Variants in SUMF1 observed in about 807,000 individuals in gnomAD.
The protein encoded by SUMF1 is formylglycine-generating enzyme.
Under a neutral mutation model 47.6 loss-of-function variants are expected in SUMF1, and 48 were observed. The observed-to-expected ratio is 1.01, with a 90% CI of 0.80 to 1.28. The LOEUF is 1.28. Among genes scored for constraint, SUMF1 ranks in the 50% most tolerant of loss-of-function variants. The pLI, the probability that SUMF1 is intolerant of heterozygous loss-of-function variation, is 0.00. For synonymous variants in SUMF1, 230 were observed against 192.1 expected, an observed-to-expected ratio of 1.20 and a Z score of -1.63; for missense variants, 571 against 485.4, an observed-to-expected ratio of 1.18 and a Z score of -1.66.
chr3:4,164,651 G>T (rs992714811), intron 8 of SUMF1, among the ~76,000 whole-genome samples: 1 of 152,126 alleles, frequency 6.6e-6, no homozygotes, highest in Non-Finnish European at 1.5e-5. Context: ...CATGACTAAG[G>T]CTGCAGCCTT....
intron 8 of SUMF1, among the ~76,000 whole-genome samples, chr3:4,258,920 A>C (rs1697019894): frequency 7.1e-6 from 1 of 141,398 alleles, no homozygotes; most frequent in African/African-American, 2.6e-5. Flanking sequence ...ACACCATGGA[A>C]TACTATGCAG....
At chr3:4,093,312 C>A (rs914974143) in intron 8 of SUMF1, among the ~76,000 whole-genome samples, 3 of 152,140 alleles carry the variant, frequency 2.0e-5, no homozygotes, top group African/African-American at 7.2e-5. Flanking sequence ...ATGTCAATCA[C>A]TCTTAGGCCC....
At chr3:4,035,993 C>G (rs1694786398) in intron 9 of SUMF1, among the ~76,000 whole-genome samples, 1 of 152,002 alleles carries the variant, frequency 6.6e-6, no homozygotes, top group African/African-American at 2.4e-5. Flanking sequence ...AGGAAAATGA[C>G]TTTGTCTGCT....
downstream of SUMF1, among the ~76,000 whole-genome samples, chr3:4,358,152 GC>G (rs1173822199): frequency 6.6e-6 from 1 of 151,770 alleles, no homozygotes; most frequent in African/African-American, 2.4e-5. Flanking sequence ...ATTTCCCCCA[GC>G]CCCTGCCTTC....
intron 9 of SUMF1, among the ~76,000 whole-genome samples, chr3:4,067,077 A>C (rs1695396160): frequency 6.6e-6 from 1 of 152,128 alleles, no homozygotes; most frequent in Non-Finnish European, 1.5e-5. Context: ...CCCCTTTTCT[A>C]TACAATGGTC....
rs57021136 is a variant in SUMF1 at position 4,287,761 on chromosome 3, G to A, written c.1014+88569C>T. ...GCCTCAGTGCAGTTTAGGAACAACA[G>A]ATTCAAAGAATATAGTGCTTTTCCT... On this transcript the variant is annotated intron_variant and NMD_transcript_variant, in intron 8 of 12. Transcript: ENST00000448413. Among the ~76,000 whole-genome samples, 454 of 152,308 alleles carry A rather than the reference G, an allele frequency of 3.0e-3. 3 individuals carry two copies. The highest frequency in any genetic ancestry group is 0.01 in the African/African-American group (436 of 41,568).
Position 4,241,655 on chromosome 3 carries a change from T to C in SUMF1, c.1014+134675A>G, listed in dbSNP as rs904789871. Among the ~76,000 whole-genome samples the C allele has an allele frequency of 2.6e-5, 4 of 152,140 alleles. No individual in the cohort carries two copies. The South Asian group carries it at 8.3e-4, about 31-fold the overall frequency. On this transcript the variant is annotated intron_variant and NMD_transcript_variant, in intron 8 of 12. Transcript: ENST00000448413. ...TTTGGCCTCCATAGCCACTTAAAAA[T>C]GAAGCAGCAGCGTTGTCTGGGGTAA...
chr3:4,130,211 G>A (rs531938500), intron 8 of SUMF1, among the ~76,000 whole-genome samples: 8 of 152,208 alleles, frequency 5.3e-5, no homozygotes, highest in East Asian at 1.9e-4. Flanking sequence ...ACCAACTGGC[G>A]ACTCTGATTG....
chr3:4,422,637 A>C (rs1025722357), intron 3 of SUMF1, among the ~76,000 whole-genome samples: 48 of 152,070 alleles, frequency 3.2e-4, no homozygotes, highest in Admixed American at 7.2e-4. Flanking sequence ...ATATGTACGC[A>C]TTTCTGCCGA....
In SUMF1 at chr3:4,361,276, C is replaced by T. The variant is rs1274761509; in HGVS notation, c.*868G>A. Reference sequence around the variant, plus strand: ...CTGAATATAGCTCATTCAAGGTCCTCGTTCCTTTTTCCCTATATCTAGAAT... The same window carrying T: ...CTGAATATAGCTCATTCAAGGTCCTTGTTCCTTTTTCCCTATATCTAGAAT... On this transcript the variant is annotated 3_prime_UTR_variant, in exon 9 of 9. Transcript: ENST00000272902. 1 of 152,612 alleles carries T rather than the reference C, an allele frequency of 6.6e-6. No individual in the cohort carries two copies. Among genetic ancestry groups the T allele is most frequent in the Non-Finnish European group, 1.5e-5 (1 of 68,036 alleles). 9.5% of individuals were successfully genotyped at this position (152,612 alleles called of 1,614,324 possible).
At chr3:4,323,960 A>G (rs1216470728) in intron 8 of SUMF1, among the ~76,000 whole-genome samples, 5 of 152,192 alleles carry the variant, frequency 3.3e-5, no homozygotes, top group Non-Finnish European at 7.4e-5. Context: ...TAGAATTCCA[A>G]TTCCTATTAC....
At chr3:4,091,331 C>T (rs190774654) in intron 8 of SUMF1, among the ~76,000 whole-genome samples, 18 of 152,146 alleles carry the variant, frequency 1.2e-4, no homozygotes, top group African/African-American at 4.1e-4. Flanking sequence ...GGGAATCTGA[C>T]GCCTTGAACA....
At chr3:4,305,494 T>G (rs564561924) in intron 8 of SUMF1, among the ~76,000 whole-genome samples, 2 of 152,192 alleles carry the variant, frequency 1.3e-5, no homozygotes, top group Non-Finnish European at 1.5e-5. Flanking sequence ...TCGGTCTTAG[T>G]TGATTATCTC....
chr3:4,092,567 T>C (rs188045967), intron 8 of SUMF1, among the ~76,000 whole-genome samples: 35 of 152,250 alleles, frequency 2.3e-4, no homozygotes, highest in African/African-American at 7.5e-4. Flanking sequence ...AACCTTCAAA[T>C]TGGTTAACCA....
At chr3:4,170,594 A>G (rs1014688649) in intron 8 of SUMF1, among the ~76,000 whole-genome samples, 2 of 152,212 alleles carry the variant, frequency 1.3e-5, no homozygotes, top group Non-Finnish European at 2.9e-5. Context: ...CTAGTAAGCA[A>G]CAGTAATCAA....
intron 8 of SUMF1, among the ~76,000 whole-genome samples, chr3:4,109,729 C>T (rs551487691): frequency 6.6e-5 from 10 of 152,096 alleles, no homozygotes; most frequent in Non-Finnish European, 1.5e-4. Context: ...GCTCCTGAGG[C>T]TTGTGCATTT....
intron 8 of SUMF1, among the ~76,000 whole-genome samples, chr3:4,283,623 A>G (rs1697572888): frequency 6.6e-6 from 1 of 152,198 alleles, no homozygotes; most frequent in Admixed American, 6.5e-5. Context: ...CAGTATATAT[A>G]GGCTTTAATA....
At chr3:4,271,466 T>C in intron 8 of SUMF1, among the ~76,000 whole-genome samples, 1 of 108,484 alleles carries the variant, frequency 9.2e-6, no homozygotes, top group South Asian at 2.6e-4. Context: ...TTATACTATC[T>C]ATAGATAGAT....
intron 3 of SUMF1, among the ~76,000 whole-genome samples, chr3:4,425,921 C>T (rs967332041): frequency 6.6e-6 from 1 of 152,148 alleles, no homozygotes; most frequent in African/African-American, 2.4e-5. Flanking sequence ...CAGGGGAACT[C>T]CCTTTTATAA....
Sources: allele counts gnomAD v4.1 joint callset (sites outside exome capture counted in the v4.1 genomes callset), GRCh38; gene constraint gnomAD v4.1.1; transcripts MANE v1.5; gene names NCBI Gene and HGNC (gene_info 2026-07-23, HGNC 2026-07-21).